The following ZNF423 variants were observed in gnomAD, a reference collection of about 807,000 sequenced individuals.
ZNF423 encodes Ebf-associated zinc finger protein.
Under a neutral mutation model 95.8 loss-of-function variants are expected in ZNF423, and 12 were observed. The observed-to-expected ratio is 0.13, with a 90% CI of 0.08 to 0.20. The LOEUF (loss-of-function observed/expected upper bound fraction) is 0.20. Ranked by LOEUF, ZNF423 falls within the 10% of genes least tolerant of loss-of-function variation. ZNF423 has a pLI of 1.00. For missense variants in ZNF423, 1,316 were observed against 1,737.1 expected, an observed-to-expected ratio of 0.76 and a Z score of 4.31; for synonymous variants, 749 against 711.9, an observed-to-expected ratio of 1.05 and a Z score of -0.83.
At position 49,603,714 on chromosome 16, in the gene ZNF423, A is replaced by G. The variant is rs930545001; in HGVS notation, c.3601+22456T>C. Among the ~76,000 whole-genome samples, 2 of 152,126 alleles carry G rather than the reference A, an allele frequency of 1.3e-5. No homozygotes were observed. Among genetic ancestry groups the G allele is most frequent in the Non-Finnish European group, 2.9e-5 (2 of 68,012 alleles). Reference sequence around the variant, plus strand: ...TGTAAGCCACCATGCCCGGCCTAGAAATTCTTAATAATTTTCTGACATACA... The same window carrying G: ...TGTAAGCCACCATGCCCGGCCTAGAGATTCTTAATAATTTTCTGACATACA... On this transcript the variant is annotated intron_variant, in intron 5 of 7. Coordinates refer to ENST00000563137, the MANE Select transcript of ZNF423 (RefSeq NM_001379286.1). This position sits in a 1 kb window ranked among gnomAD's most constrained non-coding sequence, Gnocchi z 4.1.
chr16:49,813,024 A>G (rs984448278), intron 1 of ZNF423, among the ~76,000 whole-genome samples: 10 of 152,152 alleles, frequency 6.6e-5, no homozygotes, highest in African/African-American at 2.2e-4. Context: ...CACCAGGGGC[A>G]CCCACACTTG....
At chr16:49,845,863 G>A (rs764493429) in intron 1 of ZNF423, among the ~76,000 whole-genome samples, 36 of 152,044 alleles carry the variant, frequency 2.4e-4, no homozygotes, top group Non-Finnish European at 4.0e-4. Context: ...ATTTCTGAAT[G>A]AGCATGGAGC....
intron 5 of ZNF423, among the ~76,000 whole-genome samples, chr16:49,565,428 A>G (rs1970157662): frequency 6.6e-6 from 1 of 152,222 alleles, no homozygotes; most frequent in Admixed American, 6.5e-5. Flanking sequence ...CAAAAGCTCA[A>G]GCCTGAGCGC....
At chr16:49,781,751 G>A (rs1364005770) in intron 2 of ZNF423, among the ~76,000 whole-genome samples, 1 of 152,138 alleles carries the variant, frequency 6.6e-6, no homozygotes, top group Non-Finnish European at 1.5e-5. Flanking sequence ...TGAGGCTGTC[G>A]CCTTGGTCAG....
intron 5 of ZNF423, among the ~76,000 whole-genome samples, chr16:49,600,670 GC>G (rs1396854400): frequency 1.3e-5 from 2 of 152,118 alleles, no homozygotes; most frequent in African/African-American, 4.8e-5. Flanking sequence ...GAAGGAGCCG[GC>G]CGACGTTTAT....
At chr16:49,826,247 G>A (rs1441206919) in intron 1 of ZNF423, among the ~76,000 whole-genome samples, 1 of 152,146 alleles carries the variant, frequency 6.6e-6, no homozygotes, top group Non-Finnish European at 1.5e-5. Flanking sequence ...ACATGCCAGG[G>A]ATGGGCTTTG....
chr16:49,505,744 G>A (rs188106823), intron 7 of ZNF423, among the ~76,000 whole-genome samples: 11 of 152,332 alleles, frequency 7.2e-5, no homozygotes, highest in East Asian at 3.9e-4. Flanking sequence ...GGGTGATCCC[G>A]TCACCCAGAA....
intron 1 of ZNF423, chr16:49,853,958 A>G (rs2035328926): frequency 2.2e-5 from 22 of 985,340 alleles, no homozygotes; most frequent in Non-Finnish European, 2.5e-5. Context: ...TTCCAATTCC[A>G]CATTTTCTTC....
intron 5 of ZNF423, among the ~76,000 whole-genome samples, chr16:49,566,729 C>T (rs1291352611): frequency 2.0e-5 from 3 of 152,140 alleles, no homozygotes; most frequent in East Asian, 1.9e-4. Flanking sequence ...TGTGCTGATG[C>T]GCAGCCAGTG....
At chr16:49,671,864 T>C (rs1056841923) in intron 3 of ZNF423, among the ~76,000 whole-genome samples, 19 of 152,056 alleles carry the variant, frequency 1.2e-4, no homozygotes, top group African/African-American at 4.3e-4. Flanking sequence ...TGTGTATTTT[T>C]AGTAGAGATG....
chr16:49,748,109 T>C (rs2033560795), intron 2 of ZNF423, among the ~76,000 whole-genome samples: 1 of 152,218 alleles, frequency 6.6e-6, no homozygotes. Context: ...CCTAAGTATA[T>C]TGTTCTCTCA....
chr16:49,796,664 A>C (rs781743835), intron 1 of ZNF423, among the ~76,000 whole-genome samples: 2 of 152,158 alleles, frequency 1.3e-5, no homozygotes, highest in African/African-American at 4.8e-5. Context: ...AACAGAGGCT[A>C]GTGCTGGTCC....
chr16:49,577,392 A>T (rs575120214), intron 5 of ZNF423, among the ~76,000 whole-genome samples: 1 of 152,308 alleles, frequency 6.6e-6, no homozygotes, highest in Non-Finnish European at 1.5e-5. Flanking sequence ...CAGTGAGGTT[A>T]CATGACTTGC....
chr16:49,746,363 C>A (rs1171740215), intron 2 of ZNF423, among the ~76,000 whole-genome samples: 1 of 152,020 alleles, frequency 6.6e-6, no homozygotes, highest in Non-Finnish European at 1.5e-5. Context: ...AGCTTCCCCA[C>A]CTCAAAAGAG....
intron 3 of ZNF423, among the ~76,000 whole-genome samples, chr16:49,710,527 C>A (rs955266112): frequency 2.0e-5 from 3 of 152,210 alleles, no homozygotes; most frequent in Non-Finnish European, 4.4e-5. Context: ...TCAAAAGTCA[C>A]CAGGCGGCAG....
At chr16:49,562,412 T>C (rs892816870) in intron 5 of ZNF423, among the ~76,000 whole-genome samples, 2 of 152,170 alleles carry the variant, frequency 1.3e-5, no homozygotes. Flanking sequence ...GATGAGATCA[T>C]GTAGGTAAAG....
Position 49,636,694 on chromosome 16 carries a change from T to A in ZNF423, c.2482A>T (p.Ile828Phe). The change falls in exon 4 of 8, where the codon ATC becomes TTC. Residue 828 changes from isoleucine (I) to phenylalanine (F), a missense_variant. By Grantham distance (21) the Ile-to-Phe change is conservative (BLOSUM62 0). This residue lies in a region of ZNF423 where 620 missense variants were observed against 775.6 expected (regional missense o/e 0.80). Transcript: ENST00000563137. This position sits in a 1 kb window ranked among gnomAD's most constrained non-coding sequence, Gnocchi z 8.6. ...KFCSKAFHAI[I>F]LLEKHLREKH... is the part of the protein sequence containing the mutation. ...TCCCGCAGGTGCTTCTCCAGCAGGATGATGGCGTGGAAGGCCTTGCTGCAG... is the reference window on the plus strand; with the variant it reads ...TCCCGCAGGTGCTTCTCCAGCAGGAAGATGGCGTGGAAGGCCTTGCTGCAG... 6.2e-7 allele frequency: 1 copy of A among 1,614,042 alleles called. No homozygotes were observed. Among genetic ancestry groups the A allele is most frequent in the Non-Finnish European group, 8.5e-7 (1 of 1,180,010 alleles).
chr16:49,519,432 C>T (rs191023836), intron 7 of ZNF423, among the ~76,000 whole-genome samples: 1 of 152,230 alleles, frequency 6.6e-6, no homozygotes, highest in African/African-American at 2.4e-5. Flanking sequence ...CCCGCCCTCA[C>T]CAACTCTCAG....
chr16:49,561,461 C>A (rs532053534), intron 5 of ZNF423, among the ~76,000 whole-genome samples: 5 of 152,122 alleles, frequency 3.3e-5, no homozygotes, highest in Admixed American at 2.6e-4. Flanking sequence ...GTACTTTTAA[C>A]CTTTGTATAC....
Sources: gnomAD v4.1 joint callset for allele counts (sites outside exome capture counted in the v4.1 genomes callset) on GRCh38, gnomAD v4.1.1 for gene constraint, gnomAD v4.1.1 regional missense constraint, Gnocchi (gnomAD v3.1) non-coding constraint, MANE v1.5 for transcripts, NCBI Gene and HGNC (gene_info 2026-07-23, HGNC 2026-07-21) for gene names.